ITGA6: variants seen among roughly 807,000 people sequenced by gnomAD.
ITGA6 encodes integrin alpha-6.
In ITGA6, 63 loss-of-function variants were observed where a neutral mutation model predicts 133.6. That is an observed-to-expected ratio of 0.47 (90% confidence interval 0.38 to 0.58). ITGA6 has a LOEUF of 0.58. ITGA6 is among the 20% of genes least tolerant of loss of function. ITGA6 has a pLI of 0.00. For missense variants in ITGA6, 1,068 were observed against 1,309.4 expected, an observed-to-expected ratio of 0.82 and a Z score of 2.85; for synonymous variants, 434 against 482.0, an observed-to-expected ratio of 0.90 and a Z score of 1.30.
At chr2:172,433,101 T>G (rs1684172852) in intron 1 of ITGA6, among the ~76,000 whole-genome samples, 1 of 152,142 alleles carries the variant, frequency 6.6e-6, no homozygotes, top group Non-Finnish European at 1.5e-5. Flanking sequence ...TGGTAAAGAT[T>G]ACGTACTGCA....
chr2:172,503,749 C>G (rs1687442763), intron 25 of ITGA6: 1 of 163,086 alleles, frequency 6.1e-6, no homozygotes, highest in Non-Finnish European at 1.3e-5. Flanking sequence ...ATCTGATAAT[C>G]AGATATTTTA....
At chr2:172,458,565 G>A (rs1034540016) in intron 1 of ITGA6, among the ~76,000 whole-genome samples, 3 of 152,144 alleles carry the variant, frequency 2.0e-5, no homozygotes, top group Non-Finnish European at 4.4e-5. Context: ...ATAACTAGCT[G>A]GCTACCCACT....
In ITGA6 at chr2:172,505,159, T is replaced by TAAC. The variant is rs1687505976; in HGVS notation, c.*1092_*1094dup. The TAAC allele has an allele frequency of 6.6e-6, 1 of 152,664 alleles. No homozygotes were observed. The highest frequency in any genetic ancestry group is 2.4e-5 in the African/African-American group (1 of 41,466). The allele number at this position is 152,664 out of a possible 1,614,324, so 9.5% of individuals were successfully genotyped here. A position where few individuals can be genotyped will look rare whatever the true frequency, so the allele number is the denominator to read the frequency against. The stretch of plus-strand genomic sequence containing the variant: ...CCAAAAGGTTTAAGAAATAGAATTA[T>TAAC]AACTGTAAAGATGTTTATTTCAGGC... On this transcript the variant is annotated 3_prime_UTR_variant, in exon 26 of 26. Transcript: ENST00000684293.
Position 172,485,284 on chromosome 2 carries a change from A to G in ITGA6, c.1854+20A>G. Reference sequence around the variant, plus strand: ...ATTGATGTAAGTCTCTCTGACTTTCATTTTGCCAAAGTTTTTTTGCCATTT... The same window carrying G: ...ATTGATGTAAGTCTCTCTGACTTTCGTTTTGCCAAAGTTTTTTTGCCATTT... On this transcript the variant is annotated intron_variant, in intron 13 of 25. Coordinates refer to ENST00000684293, the MANE Select transcript of ITGA6 (RefSeq NM_000210.4). The G allele has an allele frequency of 6.2e-7, 1 of 1,613,000 alleles. No individual in the cohort carries two copies. Among genetic ancestry groups the G allele is most frequent in the East Asian group, 2.2e-5 (1 of 44,866 alleles).
chr2:172,443,899 C>T (rs938769089), intron 1 of ITGA6, among the ~76,000 whole-genome samples: 6 of 152,080 alleles, frequency 3.9e-5, no homozygotes, highest in Admixed American at 6.5e-5. Flanking sequence ...CTCGGCCTCC[C>T]GAGTACCTGG....
At chr2:172,498,141 T>C (rs376423505) in intron 24 of ITGA6, 41 bp downstream of exon 24, 6 of 1,589,562 alleles carry the variant, frequency 3.8e-6, no homozygotes, top group Admixed American at 1.7e-5. Context: ...ACAAACTTTA[T>C]TTCATGTTTT....
Position 172,427,768 on chromosome 2 carries a change from C to A in ITGA6, c.-21C>A. 2.5e-6 allele frequency: 4 copies of A among 1,570,002 alleles called. No individual in the cohort carries two copies. Among genetic ancestry groups the A allele is most frequent in the Non-Finnish European group, 3.4e-6 (4 of 1,159,998 alleles). On this transcript the variant is annotated 5_prime_UTR_variant, in exon 1 of 26. Coordinates refer to ENST00000684293, the MANE Select transcript of ITGA6 (RefSeq NM_000210.4). ...AGGGCGGCCGCTGCAGGTCCCCGCT[C>A]CCCTCCCCGTGCGTCCGCCCATGGC...
intron 13 of ITGA6, among the ~76,000 whole-genome samples, chr2:172,486,361 A>G (rs1574398512): frequency 6.6e-6 from 1 of 152,022 alleles, no homozygotes; most frequent in African/African-American, 2.4e-5. Context: ...ATATTTCTGT[A>G]TACTTTTATG....
intron 24 of ITGA6, 132 bp downstream of exon 24, chr2:172,498,232 T>C: frequency 1.1e-6 from 1 of 939,898 alleles, no homozygotes; most frequent in Non-Finnish European, 1.6e-6. Context: ...TCTTTTGACA[T>C]AGCAAATTTG....
chr2:172,441,559 T>TAAAAAAAAA (rs57828626), intron 1 of ITGA6, among the ~76,000 whole-genome samples: 2 of 48,820 alleles, frequency 4.1e-5, no homozygotes, highest in African/African-American at 6.8e-5. Context: ...GCTGTCTCTT[T>TAAAAAAAAA]AAAAAAAAAA....
In ITGA6 at chr2:172,484,782, C is replaced by T; in HGVS notation, c.1550C>T (p.Ser517Leu). The T allele has an allele frequency of 6.2e-7, 1 of 1,613,444 alleles. No homozygotes were observed. The highest frequency in any genetic ancestry group is 1.1e-5 in the South Asian group (1 of 91,068). The change falls in exon 12 of 26, where the codon TCA becomes TTA. Residue 517 changes from serine to leucine, a missense_variant and splice_region_variant. This residue lies in a region of ITGA6 where 609 missense variants were observed against 707.2 expected (regional missense o/e 0.86). Transcript: ENST00000684293. Reference sequence around the variant, plus strand: ...TTAATATGATTTTAATTTTATCTAGCAATTGTGGGCACACTTGAAGCTGAA... The same window carrying T: ...TTAATATGATTTTAATTTTATCTAGTAATTGTGGGCACACTTGAAGCTGAA... ...ANPAGYNPSI[S>L]IVGTLEAEKE...
intron 1 of ITGA6, among the ~76,000 whole-genome samples, chr2:172,457,023 G>A (rs1390590941): frequency 1.3e-5 from 2 of 152,116 alleles, no homozygotes; most frequent in African/African-American, 4.8e-5. Flanking sequence ...GGTCACTGTG[G>A]TGGCTCACAC....
intron 9 of ITGA6, among the ~76,000 whole-genome samples, chr2:172,477,019 A>G (rs1239146899): frequency 6.6e-6 from 1 of 152,210 alleles, no homozygotes; most frequent in Non-Finnish European, 1.5e-5. Context: ...GAAGTTAACA[A>G]CTGTCTGTGA....
intron 9 of ITGA6, among the ~76,000 whole-genome samples, chr2:172,477,532 T>TA (rs1229376453): frequency 1.3e-5 from 2 of 152,256 alleles, no homozygotes; most frequent in African/African-American, 2.4e-5. Flanking sequence ...ATCTGGTTTT[T>TA]ATTTAATCTT....
Position 172,497,933 on chromosome 2 carries a change from G to C in ITGA6, c.2989-42G>C, listed in dbSNP as rs1484719839. The C allele has an allele frequency of 5.0e-6, 8 of 1,612,114 alleles. 1 individual carries two copies. In the South Asian group the frequency reaches 8.8e-5, roughly 18 times the overall value. On this transcript the variant is annotated intron_variant, in intron 23 of 25. Transcript: ENST00000684293. ...CCATAAACTCCTGGTGTGAACTCTT[G>C]CCGCTGTATGTAGTAATGCTGCTTT... is the stretch of plus-strand genomic sequence containing the variant.
At chr2:172,500,460 G>A (rs137993585) in intron 24 of ITGA6, among the ~76,000 whole-genome samples, 2,289 of 152,120 alleles carry the variant, frequency 0.015, 48 homozygotes, top group African/African-American at 0.051. Flanking sequence ...GAAACCCCGC[G>A]TCTACTAAAT....
intron 1 of ITGA6, among the ~76,000 whole-genome samples, chr2:172,433,822 C>T (rs953872049): frequency 6.6e-6 from 1 of 152,194 alleles, no homozygotes; most frequent in African/African-American, 2.4e-5. Context: ...AGCAGCCCTT[C>T]GTAGCTACTA....
At chr2:172,502,185 G>T (rs1306324982) in intron 25 of ITGA6, among the ~76,000 whole-genome samples, 1 of 152,116 alleles carries the variant, frequency 6.6e-6, no homozygotes, top group East Asian at 1.9e-4. Flanking sequence ...CACAAAAAGA[G>T]ACTTTTAGCC....
chr2:172,465,623 C>T lies in ITGA6; in HGVS notation c.267C>T (p.Thr89=), dbSNP rs748713488. The T allele has an allele frequency of 1.7e-5, 27 of 1,614,118 alleles. No homozygotes were observed. Among genetic ancestry groups the T allele is most frequent in the Admixed American group, 8.3e-5 (5 of 60,014 alleles). ...RTGGLYSCDI[T]ARGPCTRIEF... Reference sequence around the variant, plus strand: ...GAGGGCTGTACAGCTGCGACATCACCGCCCGGGGGCCATGCACGCGGATCG... The same window carrying T: ...GAGGGCTGTACAGCTGCGACATCACTGCCCGGGGGCCATGCACGCGGATCG... The change falls in exon 2 of 26, where the codon ACC becomes ACT. Residue 89 remains threonine (T), a synonymous_variant. Transcript: ENST00000684293.
Sources: gnomAD v4.1 joint callset for allele counts (sites outside exome capture counted in the v4.1 genomes callset) on GRCh38, gnomAD v4.1.1 for gene constraint, gnomAD v4.1.1 regional missense constraint, MANE v1.5 for transcripts, NCBI Gene and HGNC (gene_info 2026-07-23, HGNC 2026-07-21) for gene names.